ZC3H7A: variants seen among roughly 807,000 people sequenced by gnomAD.
ZC3H7A encodes the protein zinc finger CCCH domain-containing protein 7A.
Under a neutral mutation model 125.5 loss-of-function variants are expected in ZC3H7A, and 44 were observed. The ratio of observed to expected loss-of-function variants is 0.35; its 90% confidence interval spans 0.28 to 0.45. The LOEUF is 0.45. ZC3H7A is among the 20% of genes least tolerant of loss of function. The probability of loss-of-function intolerance (pLI) is 1.00; values close to 1 mark genes in which losing one functional copy is unlikely to be tolerated. For missense variants in ZC3H7A, 977 were observed against 1,170.7 expected, an observed-to-expected ratio of 0.83 and a Z score of 2.41; for synonymous variants, 399 against 391.2, an observed-to-expected ratio of 1.02 and a Z score of -0.23.
chr16:11,756,745 G>C (rs541683715), intron 20 of ZC3H7A, among the ~76,000 whole-genome samples: 37 of 152,258 alleles, frequency 2.4e-4, no homozygotes, highest in African/African-American at 7.2e-4. Flanking sequence ...AACCACACAA[G>C]GCTACTTACG....
In ZC3H7A at chr16:11,787,178, T is replaced by C. The variant is rs2053269008; in HGVS notation, c.-34-4790A>G. Among the ~76,000 whole-genome samples the C allele has an allele frequency of 2.0e-5, 3 of 152,080 alleles. No homozygotes were observed. In the South Asian group the frequency reaches 6.2e-4, roughly 32 times the overall value. On this transcript the variant is annotated intron_variant, in intron 1 of 22. Coordinates refer to ENST00000355758, the MANE Select transcript of ZC3H7A (RefSeq NM_014153.4). ...TAAGCCAGGTGTGGTGGTACGTGCC[T>C]GTAGTCCTAGCTACTCAGGAGGCTA...
At chr16:11,782,665 T>A (rs2053192643) in intron 1 of ZC3H7A, 1 of 206,566 alleles carries the variant, frequency 4.8e-6, no homozygotes. Context: ...TGGAGTGCAG[T>A]GGCGCGATCT....
At chr16:11,754,523 A>T (rs955879584) in intron 21 of ZC3H7A, among the ~76,000 whole-genome samples, 1 of 151,950 alleles carries the variant, frequency 6.6e-6, no homozygotes, top group African/African-American at 2.4e-5. Flanking sequence ...GTGCCAAAAA[A>T]CAAGAAATAA....
chr16:11,753,188 CA>C, intron 21 of ZC3H7A: 3 of 210,166 alleles, frequency 1.4e-5, no homozygotes, highest in Non-Finnish European at 1.9e-5. Flanking sequence ...ATGCCAACTC[CA>C]AAAGGACGAG....
Position 11,789,979 on chromosome 16 carries a change from G to A in ZC3H7A, c.-35+7145C>T, listed in dbSNP as rs191080837. Among the ~76,000 whole-genome samples, 165 of 150,024 alleles carry A rather than the reference G, an allele frequency of 1.1e-3. 2 individuals are homozygous for A. The highest frequency in any genetic ancestry group is 9.0e-3 in the Admixed American group (133 of 14,830). ...ACCTGTAATCCCAGCTACTCGAGAC[G>A]CTAAGGCAGGAGAATAGCTAGAACC... On this transcript the variant is annotated intron_variant, in intron 1 of 22. Coordinates refer to ENST00000355758, the MANE Select transcript of ZC3H7A (RefSeq NM_014153.4).
intron 20 of ZC3H7A, 38 bp downstream of exon 20, chr16:11,758,393 C>T: frequency 1.3e-6 from 2 of 1,485,152 alleles, no homozygotes; most frequent in Non-Finnish European, 1.9e-6. Flanking sequence ...AACTTTCAGG[C>T]AAGCTAGCTC....
At chr16:11,779,894 C>A (rs2053145958) in intron 3 of ZC3H7A, among the ~76,000 whole-genome samples, 1 of 150,980 alleles carries the variant, frequency 6.6e-6, no homozygotes, top group African/African-American at 2.4e-5. Flanking sequence ...TTAATGGTAT[C>A]CTCTTTGTAT....
chr16:11,754,319 A>AT (rs2052600857), intron 21 of ZC3H7A, among the ~76,000 whole-genome samples: 2 of 143,824 alleles, frequency 1.4e-5, no homozygotes, highest in Non-Finnish European at 3.0e-5. Context: ...GGAAGAAAAA[A>AT]AAATATATAT....
In ZC3H7A at chr16:11,763,665, A is replaced by G. The variant is rs536092403; in HGVS notation, c.1821-6T>C. ...GCAAAATGTGGACAAGGCACCTAAG[A>G]TGAAAACAGTGACATTTTAATATTG... On this transcript the variant is annotated splice_polypyrimidine_tract_variant and splice_region_variant and intron_variant, in intron 15 of 22. Transcript: ENST00000355758. 2.0e-5 allele frequency: 30 copies of G among 1,504,314 alleles called. No homozygotes were observed. In the East Asian group the frequency reaches 6.6e-4, roughly 33 times the overall value. 93.2% of individuals were successfully genotyped at this position (1,504,314 alleles called of 1,614,324 possible).
chr16:11,795,820 A>G (rs988436453), intron 1 of ZC3H7A, among the ~76,000 whole-genome samples: 8 of 152,054 alleles, frequency 5.3e-5, no homozygotes, highest in Non-Finnish European at 8.8e-5. Context: ...TTGTTTTTTT[A>G]TTTGTTTGTT....
intron 1 of ZC3H7A, among the ~76,000 whole-genome samples, chr16:11,792,291 CTG>C (rs1257681267): frequency 2.0e-5 from 3 of 152,294 alleles, no homozygotes; most frequent in Admixed American, 2.0e-4. Context: ...CTCTTACAAA[CTG>C]GAATATCATC....
At chr16:11,783,600 G>A (rs1270819756) in intron 1 of ZC3H7A, among the ~76,000 whole-genome samples, 1 of 152,046 alleles carries the variant, frequency 6.6e-6, no homozygotes, top group Non-Finnish European at 1.5e-5. Flanking sequence ...GTCAGGGTGG[G>A]GAAAGCACAA....
chr16:11,774,200 G>C, intron 9 of ZC3H7A, 36 bp downstream of exon 9: 1 of 1,480,994 alleles, frequency 6.8e-7, no homozygotes, highest in Non-Finnish European at 9.0e-7. Context: ...AGTTAACTCT[G>C]TCTTCAGAAG....
intron 3 of ZC3H7A, among the ~76,000 whole-genome samples, chr16:11,779,877 A>G (rs78157925): frequency 4.6e-4 from 17 of 36,670 alleles, no homozygotes; most frequent in Non-Finnish European, 8.5e-5. Flanking sequence ...GTGTTTATTT[A>G]TTTTTTTTAA....
chr16:11,756,775 C>G (rs1235707802), intron 20 of ZC3H7A, among the ~76,000 whole-genome samples: 1 of 152,146 alleles, frequency 6.6e-6, no homozygotes, highest in Admixed American at 6.5e-5. Flanking sequence ...GGACTTGGAG[C>G]TGATACACTC....
At chr16:11,793,265 G>A (rs1015626083) in intron 1 of ZC3H7A, among the ~76,000 whole-genome samples, 11 of 152,192 alleles carry the variant, frequency 7.2e-5, no homozygotes, top group Non-Finnish European at 1.6e-4. Flanking sequence ...GGGTGCAGTG[G>A]CTCATGCCTG....
intron 22 of ZC3H7A, 44 bp from the exon 23 acceptor site, chr16:11,751,550 C>G: frequency 1.3e-6 from 2 of 1,559,586 alleles, no homozygotes; most frequent in Non-Finnish European, 1.7e-6. Context: ...TAAGTTGTTT[C>G]TAAAAATCGT....
At chr16:11,780,032 C>A (rs2053149300) in intron 3 of ZC3H7A, among the ~76,000 whole-genome samples, 1 of 151,962 alleles carries the variant, frequency 6.6e-6, no homozygotes, top group Non-Finnish European at 1.5e-5. Flanking sequence ...TTTTTCTTAT[C>A]AAGTAAGTAT....
At chr16:11,781,280 C>CA (rs1412820982) in intron 3 of ZC3H7A, 145 bp downstream of exon 3, 5 of 696,950 alleles carry the variant, frequency 7.2e-6, no homozygotes, top group South Asian at 2.6e-5. Flanking sequence ...GCTTTATTTG[C>CA]AAAAAAATAA....
Sources: gnomAD v4.1 joint callset for allele counts (sites outside exome capture counted in the v4.1 genomes callset) on GRCh38, gnomAD v4.1.1 for gene constraint, MANE v1.5 for transcripts, NCBI Gene and HGNC (gene_info 2026-07-23, HGNC 2026-07-21) for gene names.